Variants in RNLS observed in about 807,000 individuals in gnomAD.
RNLS encodes renalase, FAD dependent amine oxidase, also known as renalase.
Under a neutral mutation model 39.8 loss-of-function variants are expected in RNLS, and 39 were observed. That is an observed-to-expected ratio of 0.98 (90% CI 0.76 to 1.28). The LOEUF is 1.28. RNLS is among the 50% of genes most tolerant of loss of function. The pLI is 0.00. For synonymous variants in RNLS, 147 were observed against 150.7 expected (o/e 0.98, Z 0.18); for missense variants, 410 against 413.3 (o/e 0.99, Z 0.07).
intron 5 of RNLS, among the ~76,000 whole-genome samples, chr10:88,349,816 T>C (rs910587233): frequency 6.6e-6 from 1 of 152,044 alleles, no homozygotes; most frequent in Admixed American, 6.6e-5. Context: ...TACTATCACA[T>C]GATATTCTAT....
At chr10:88,523,808 C>T (rs1047792834) in intron 4 of RNLS, among the ~76,000 whole-genome samples, 12 of 152,128 alleles carry the variant, frequency 7.9e-5, no homozygotes, top group Non-Finnish European at 1.5e-4. Flanking sequence ...AGCCGCATCA[C>T]TACTCAATTT....
At chr10:88,393,340 A>G (rs2133591321) in intron 4 of RNLS, among the ~76,000 whole-genome samples, 1 of 152,260 alleles carries the variant, frequency 6.6e-6, no homozygotes, top group East Asian at 1.9e-4. Context: ...CAACTTCAGC[A>G]AAGTCTCAGG....
intron 4 of RNLS, among the ~76,000 whole-genome samples, chr10:88,437,994 C>A (rs549891884): frequency 3.8e-4 from 58 of 152,152 alleles, no homozygotes; most frequent in Admixed American, 2.3e-3. Flanking sequence ...GGCGTGGTAG[C>A]ACATGCCTGT....
At chr10:88,206,223 G>C in the RNLS span, among the ~76,000 whole-genome samples, 1 of 152,310 alleles carries the variant, frequency 6.6e-6, no homozygotes, top group South Asian at 2.1e-4. Context: ...ATTCTGAATG[G>C]CACTCTGCAT....
At chr10:88,343,952 C>T (rs1256362432) in intron 5 of RNLS, 1 of 322,990 alleles carries the variant, frequency 3.1e-6, no homozygotes, top group Non-Finnish European at 4.5e-6. Flanking sequence ...CCCTGGTTTT[C>T]TATGATGACA....
At chr10:88,207,289 A>G in the RNLS span, among the ~76,000 whole-genome samples, 6 of 152,156 alleles carry the variant, frequency 3.9e-5, no homozygotes, top group Non-Finnish European at 4.4e-5. Flanking sequence ...CTAGTAAAGG[A>G]CATGCATACA....
At chr10:88,463,542 C>T (rs896210667) in intron 4 of RNLS, among the ~76,000 whole-genome samples, 1 of 151,926 alleles carries the variant, frequency 6.6e-6, no homozygotes, top group African/African-American at 2.4e-5. Flanking sequence ...CTCATACAAA[C>T]TGTAAATTCT....
the RNLS span, among the ~76,000 whole-genome samples, chr10:88,222,037 C>T: frequency 6.6e-6 from 1 of 152,158 alleles, no homozygotes; most frequent in Non-Finnish European, 1.5e-5. Context: ...TATCATTAAG[C>T]ATTAAGTATT....
At chr10:88,197,367 A>G in the RNLS span, among the ~76,000 whole-genome samples, 3 of 152,126 alleles carry the variant, frequency 2.0e-5, no homozygotes, top group Admixed American at 6.6e-5. Context: ...CCTGCCCAAT[A>G]TGGCACCTTC....
chr10:88,395,402 T>C (rs72820020), intron 4 of RNLS, among the ~76,000 whole-genome samples: 2 of 151,510 alleles, frequency 1.3e-5, no homozygotes, highest in African/African-American at 2.4e-5. Context: ...AATAAATAGA[T>C]AGAAATATAA....
At chr10:88,447,778 C>G (rs1842129679) in intron 4 of RNLS, among the ~76,000 whole-genome samples, 1 of 152,134 alleles carries the variant, frequency 6.6e-6, no homozygotes, top group Non-Finnish European at 1.5e-5. Flanking sequence ...CTACAGTAAC[C>G]AAAACAGCAG....
intron 4 of RNLS, among the ~76,000 whole-genome samples, chr10:88,552,796 T>C (rs1848662420): frequency 6.6e-6 from 1 of 152,142 alleles, no homozygotes; most frequent in African/African-American, 2.4e-5. Context: ...ATATGCTATA[T>C]GGAAAAAATC....
chr10:88,564,413 G>T (rs559706989), intron 4 of RNLS, among the ~76,000 whole-genome samples: 1 of 152,112 alleles, frequency 6.6e-6, no homozygotes, highest in South Asian at 2.1e-4. Flanking sequence ...GATTAAACTG[G>T]TGAATCCCTG....
chr10:88,348,980 A>G (rs1848495745), intron 5 of RNLS, among the ~76,000 whole-genome samples: 1 of 152,092 alleles, frequency 6.6e-6, no homozygotes, highest in African/African-American at 2.4e-5. Flanking sequence ...ACAGAGCATC[A>G]CCTTACTTCC....
intron 4 of RNLS, among the ~76,000 whole-genome samples, chr10:88,499,848 A>G (rs543555784): frequency 6.6e-6 from 1 of 152,280 alleles, no homozygotes; most frequent in South Asian, 2.1e-4. Context: ...TAAGAAGTAC[A>G]TATAAGAAAT....
At chr10:88,421,026 T>A (rs1327922997) in intron 4 of RNLS, among the ~76,000 whole-genome samples, 1 of 152,212 alleles carries the variant, frequency 6.6e-6, no homozygotes, top group East Asian at 1.9e-4. Context: ...CTGAGACCAC[T>A]GAGGAACGTC....
In RNLS at chr10:88,292,647, C is replaced by T. The variant is rs1418252759; in HGVS notation, c.877-7141G>A. On this transcript the variant is annotated intron_variant, in intron 6 of 6. Coordinates refer to ENST00000331772, the MANE Select transcript of RNLS (RefSeq NM_001031709.3). ...CCACTTTCTTATGTTATATTACCTT[C>T]CTGCAGGTCATTTTAATAAGCTTTT... 2.6e-5 allele frequency among the ~76,000 whole-genome samples: 4 copies of T among 151,540 alleles called. No homozygotes were observed. In the East Asian group the frequency reaches 7.8e-4, roughly 29 times the overall value.
chr10:88,462,449 A>G (rs1362554936), intron 4 of RNLS, among the ~76,000 whole-genome samples: 2 of 152,014 alleles, frequency 1.3e-5, no homozygotes, highest in Non-Finnish European at 2.9e-5. Flanking sequence ...TTCTATGTTG[A>G]TTTCATCTTT....
intron 4 of RNLS, among the ~76,000 whole-genome samples, chr10:88,394,022 C>T (rs930479780): frequency 4.6e-5 from 7 of 152,162 alleles, no homozygotes; most frequent in African/African-American, 1.7e-4. Context: ...CCCTTCCTTA[C>T]ACCTTATACA....
Sources: allele counts gnomAD v4.1 joint callset (sites outside exome capture counted in the v4.1 genomes callset), GRCh38; gene constraint gnomAD v4.1.1; transcripts MANE v1.5; gene names NCBI Gene and HGNC (gene_info 2026-07-23, HGNC 2026-07-21).